EYA3: variants seen among roughly 807,000 people sequenced by gnomAD.
EYA3 encodes the protein protein phosphatase EYA3.
In EYA3, 39 loss-of-function variants were observed where a neutral mutation model predicts 80.0. The observed-to-expected ratio is 0.49, with a 90% CI of 0.38 to 0.64. The LOEUF (loss-of-function observed/expected upper bound fraction) is 0.64. Ranked by LOEUF, EYA3 falls within the 30% of genes least tolerant of loss-of-function variation. The pLI, the probability that EYA3 is intolerant of heterozygous loss-of-function variation, is 0.00. For synonymous variants in EYA3, 206 were observed against 232.8 expected (o/e 0.88, Z 1.05); for missense variants, 523 against 676.1 (o/e 0.77, Z 2.51).
At chr1:28,039,029 TAGAA>T (rs1378613962) in intron 4 of EYA3, 124 bp from the exon 5 acceptor site, 1 of 519,534 alleles carries the variant, frequency 1.9e-6, no homozygotes, top group Non-Finnish European at 3.4e-6. Flanking sequence ...GGACACCAGA[TAGAA>T]AGACTATGTG....
chr1:27,993,369 G>A, intron 14 of EYA3, 31 bp downstream of exon 14: 1 of 1,591,816 alleles, frequency 6.3e-7, no homozygotes, highest in Non-Finnish European at 8.5e-7. Context: ...GGAAGAAACA[G>A]AGAATCAGAC....
intron 10 of EYA3, among the ~76,000 whole-genome samples, chr1:28,008,563 T>A (rs1329008215): frequency 6.6e-6 from 1 of 152,038 alleles, no homozygotes; most frequent in Non-Finnish European, 1.5e-5. Context: ...ATCTGATTAA[T>A]ATAAGGGATT....
chr1:28,044,318 T>A (rs1643923232), intron 3 of EYA3, among the ~76,000 whole-genome samples: 1 of 152,202 alleles, frequency 6.6e-6, no homozygotes. Flanking sequence ...TCACTGAACT[T>A]ATCTGTTCCC....
In EYA3 at chr1:28,013,422, A is replaced by G. The variant is rs6683268; in HGVS notation, c.586-128T>C. On this transcript the variant is annotated intron_variant, in intron 8 of 17. Coordinates refer to ENST00000373871, the MANE Select transcript of EYA3 (RefSeq NM_001990.4). This position sits in a 1 kb window ranked among gnomAD's most constrained non-coding sequence, Gnocchi z 4.0. ...AAAACATTAATTTGACTTCTCATTTACCTACCTAAAAGTCTCCAATCTAAA... is the reference window on the plus strand; with the variant it reads ...AAAACATTAATTTGACTTCTCATTTGCCTACCTAAAAGTCTCCAATCTAAA... 2.7e-5 allele frequency: 23 copies of G among 845,276 alleles called. No homozygotes were observed. In the African/African-American group the frequency reaches 3.3e-4, roughly 12 times the overall value. The allele number at this position is 845,276 out of a possible 1,614,324, so 52.4% of individuals were successfully genotyped here. A position where few individuals can be genotyped will look rare whatever the true frequency, so the allele number is the denominator to read the frequency against.
chr1:28,061,170 T>C (rs536302274), intron 1 of EYA3, among the ~76,000 whole-genome samples: 2 of 152,282 alleles, frequency 1.3e-5, no homozygotes, highest in African/African-American at 4.8e-5. Context: ...CAACATACAA[T>C]GTGTGGGAAG....
intron 1 of EYA3, among the ~76,000 whole-genome samples, chr1:28,084,801 G>A (rs2148965388): frequency 6.6e-6 from 1 of 150,702 alleles, no homozygotes; most frequent in Non-Finnish European, 1.5e-5. Context: ...TAGAGATGGG[G>A]TTTCACCGTG....
intron 7 of EYA3, among the ~76,000 whole-genome samples, 180 bp from the exon 8 acceptor site, chr1:28,017,419 A>C (rs1272564308): frequency 6.6e-6 from 1 of 152,250 alleles, no homozygotes; most frequent in Admixed American, 6.5e-5. Flanking sequence ...GGTTAAAAAC[A>C]AAACATTTGA....
intron 2 of EYA3, among the ~76,000 whole-genome samples, chr1:28,051,896 T>C (rs1389847165): frequency 6.6e-6 from 1 of 150,620 alleles, no homozygotes; most frequent in Non-Finnish European, 1.5e-5. Flanking sequence ...TTAAAGAAAT[T>C]CACAAATTGA....
At chr1:28,006,158 A>G (rs1571775988) in intron 10 of EYA3, among the ~76,000 whole-genome samples, 1 of 152,286 alleles carries the variant, frequency 6.6e-6, no homozygotes, top group East Asian at 1.9e-4. Flanking sequence ...TTCTCAGAAC[A>G]TAAGGATGTA....
chr1:28,058,581 T>G (rs893420680), intron 1 of EYA3, among the ~76,000 whole-genome samples: 1 of 152,142 alleles, frequency 6.6e-6, no homozygotes, highest in Non-Finnish European at 1.5e-5. Context: ...CAACTATCTG[T>G]CTATATGTCA....
intron 1 of EYA3, among the ~76,000 whole-genome samples, chr1:28,074,606 C>A (rs1645140520): frequency 6.6e-6 from 1 of 151,708 alleles, no homozygotes; most frequent in Admixed American, 6.6e-5. Flanking sequence ...TGCAAGCCAC[C>A]ATACCAGGCC....
chr1:28,025,839 C>A (rs529353689), intron 7 of EYA3, among the ~76,000 whole-genome samples: 1 of 152,318 alleles, frequency 6.6e-6, no homozygotes, highest in Non-Finnish European at 1.5e-5. Context: ...CGGCTCACTG[C>A]AACCTCCGCC....
chr1:28,067,391 A>AT lies in EYA3; in HGVS notation c.-68-9298dup, dbSNP rs772328209. 2.0e-5 allele frequency among the ~76,000 whole-genome samples: 3 copies of AT among 152,360 alleles called. No individual in the cohort carries two copies. In the East Asian group the frequency reaches 5.8e-4, roughly 29 times the overall value. Reference sequence around the variant, plus strand: ...TTAATAATAGCTTACATATAATTTGATAAGAATCAAAAGCAGATACAAAGC... The same window carrying AT: ...TTAATAATAGCTTACATATAATTTGATTAAGAATCAAAAGCAGATACAAAGC... On this transcript the variant is annotated intron_variant, in intron 1 of 17. Transcript: ENST00000373871.
chr1:28,014,880 G>C (rs1397148343), intron 8 of EYA3, among the ~76,000 whole-genome samples: 1 of 152,164 alleles, frequency 6.6e-6, no homozygotes, highest in Non-Finnish European at 1.5e-5. Flanking sequence ...AACTAGGTAT[G>C]ACAGTTCAAA....
intron 3 of EYA3, among the ~76,000 whole-genome samples, chr1:28,047,788 G>A (rs1331199706): frequency 4.6e-5 from 7 of 151,968 alleles, no homozygotes; most frequent in African/African-American, 1.2e-4. Flanking sequence ...ACAGGCGCCC[G>A]CCAACACGCC....
chr1:28,037,569 T>C (rs796583208), intron 5 of EYA3, among the ~76,000 whole-genome samples: 1 of 152,360 alleles, frequency 6.6e-6, no homozygotes, highest in African/African-American at 2.4e-5. Context: ...GCAGAGTCTT[T>C]GTAGCCCAAA....
intron 1 of EYA3, among the ~76,000 whole-genome samples, chr1:28,082,907 T>A (rs1227629125): frequency 6.6e-6 from 1 of 152,140 alleles, no homozygotes; most frequent in African/African-American, 2.4e-5. Flanking sequence ...TAATATATGG[T>A]TTTGCCATCT....
chr1:27,993,344 A>G, intron 14 of EYA3, 56 bp downstream of exon 14: 1 of 1,560,546 alleles, frequency 6.4e-7, no homozygotes, highest in South Asian at 1.2e-5. Flanking sequence ...CCCTGGAAAG[A>G]AAAGGAGGAA....
At chr1:27,981,592 C>T (rs1448278241) in intron 16 of EYA3, among the ~76,000 whole-genome samples, 1 of 151,984 alleles carries the variant, frequency 6.6e-6, no homozygotes, top group Non-Finnish European at 1.5e-5. Flanking sequence ...CCAGCCTTGA[C>T]AACAAAGTGA....
Sources: allele counts gnomAD v4.1 joint callset (sites outside exome capture counted in the v4.1 genomes callset), GRCh38; gene constraint gnomAD v4.1.1; non-coding constraint Gnocchi (gnomAD v3.1); transcripts MANE v1.5; gene names NCBI Gene and HGNC (gene_info 2026-07-23, HGNC 2026-07-21).